Variants in RSRC1 observed in about 807,000 individuals in gnomAD.
RSRC1 encodes the protein arginine and serine rich coiled-coil 1.
Under a neutral mutation model 49.1 loss-of-function variants are expected in RSRC1, and 39 were observed. That is an observed-to-expected ratio of 0.79 (90% CI 0.61 to 1.04). The LOEUF is 1.04. Ranked by LOEUF, RSRC1 falls within the 50% of genes least tolerant of loss-of-function variation. The pLI, the probability that RSRC1 is intolerant of heterozygous loss-of-function variation, is 0.00. For missense variants in RSRC1, 388 were observed against 402.4 expected (o/e 0.96, Z 0.31); for synonymous variants, 143 against 130.8 (o/e 1.09, Z -0.63).
At chr3:158,130,766 T>A (rs1457352974) in intron 3 of RSRC1, among the ~76,000 whole-genome samples, 2 of 152,176 alleles carry the variant, frequency 1.3e-5, no homozygotes, top group African/African-American at 4.8e-5. Flanking sequence ...TTTGGATTAG[T>A]GTATGTAGAA....
At chr3:158,390,031 T>A (rs1733183246) in intron 6 of RSRC1, among the ~76,000 whole-genome samples, 1 of 152,172 alleles carries the variant, frequency 6.6e-6, no homozygotes, top group Non-Finnish European at 1.5e-5. Context: ...TTTATTCAGG[T>A]AACAGATTTG....
At chr3:158,328,107 A>G (rs1317299623) in intron 5 of RSRC1, among the ~76,000 whole-genome samples, 2 of 151,778 alleles carry the variant, frequency 1.3e-5, no homozygotes, top group Non-Finnish European at 1.5e-5. Flanking sequence ...TCATCCCTTT[A>G]TTTTGAGCCT....
intron 3 of RSRC1, among the ~76,000 whole-genome samples, chr3:158,127,581 T>C (rs1460835482): frequency 1.3e-5 from 2 of 152,048 alleles, no homozygotes; most frequent in Non-Finnish European, 2.9e-5. Context: ...TTTGTTCTCT[T>C]GACTTCATTT....
chr3:158,389,176 A>G (rs989881243), intron 6 of RSRC1, among the ~76,000 whole-genome samples: 3 of 152,200 alleles, frequency 2.0e-5, no homozygotes, highest in Non-Finnish European at 4.4e-5. Flanking sequence ...CTTCCAATAC[A>G]GATTTCTCTA....
At chr3:158,493,717 T>C (rs1298905512) in intron 7 of RSRC1, among the ~76,000 whole-genome samples, 1 of 152,186 alleles carries the variant, frequency 6.6e-6, no homozygotes, top group Non-Finnish European at 1.5e-5. Context: ...TGTTTGCAGC[T>C]CAGCATTTGA....
At chr3:158,508,925 G>A (rs1740010814) in intron 7 of RSRC1, among the ~76,000 whole-genome samples, 1 of 152,122 alleles carries the variant, frequency 6.6e-6, no homozygotes, top group African/African-American at 2.4e-5. Flanking sequence ...TCCCTGATTT[G>A]CAGATATTTT....
At chr3:158,125,314 TATG>T (rs2108170173) in intron 3 of RSRC1, among the ~76,000 whole-genome samples, 1 of 152,196 alleles carries the variant, frequency 6.6e-6, no homozygotes, top group South Asian at 2.1e-4. Flanking sequence ...AAGTATTAAG[TATG>T]ATATGAGACT....
Position 158,468,820 on chromosome 3 carries a change from T to C in RSRC1, c.652+7817T>C, listed in dbSNP as rs187909162. Among the ~76,000 whole-genome samples, 35 of 152,208 alleles carry C rather than the reference T, an allele frequency of 2.3e-4. No homozygotes were observed. In the East Asian group the frequency reaches 5.0e-3, roughly 22 times the overall value. On this transcript the variant is annotated intron_variant, in intron 7 of 9. Coordinates refer to ENST00000611884, the MANE Select transcript of RSRC1 (RefSeq NM_001271838.2). ...AAAAATGAATTGCCTACTGAAAAAA[T>C]TTAACACCTTTACAAAATTAATTAA...
chr3:158,514,630 T>G lies in RSRC1; in HGVS notation c.653-22462T>G, dbSNP rs13074682. 2.4e-3 allele frequency among the ~76,000 whole-genome samples: 358 copies of G among 152,204 alleles called. 3 individuals carry two copies. The highest frequency in any genetic ancestry group is 4.4e-3 in the Non-Finnish European group (302 of 68,008). The stretch of plus-strand genomic sequence containing the variant: ...TGGAGAGTTCTGTAGATGTCTATTA[T>G]GTCCGCTTGGTGCAGAGCTGAGTTC... On this transcript the variant is annotated intron_variant, in intron 7 of 9. Transcript: ENST00000611884.
At chr3:158,517,609 T>C (rs1407933520) in intron 7 of RSRC1, among the ~76,000 whole-genome samples, 1 of 143,640 alleles carries the variant, frequency 7.0e-6, no homozygotes, top group Non-Finnish European at 1.5e-5. Flanking sequence ...TTTTTTTTTT[T>C]AGAGACAGGG....
At chr3:158,347,892 G>C (rs1379801440) in intron 5 of RSRC1, among the ~76,000 whole-genome samples, 1 of 151,990 alleles carries the variant, frequency 6.6e-6, no homozygotes, top group East Asian at 1.9e-4. Flanking sequence ...TAAAAAAATT[G>C]AATTTTTGTG....
At chr3:158,443,207 T>A (rs890272975) in intron 6 of RSRC1, among the ~76,000 whole-genome samples, 1 of 152,132 alleles carries the variant, frequency 6.6e-6, no homozygotes, top group Non-Finnish European at 1.5e-5. Flanking sequence ...AGAGTCAGCT[T>A]GTCCTTTGAA....
intron 7 of RSRC1, among the ~76,000 whole-genome samples, chr3:158,533,944 G>C (rs145974115): frequency 0.011 from 1,618 of 151,734 alleles, 16 homozygotes; most frequent in Middle Eastern, 0.017. Flanking sequence ...TGCTCAATTA[G>C]TACATTGCAT....
intron 5 of RSRC1, among the ~76,000 whole-genome samples, chr3:158,308,040 G>A (rs1727933615): frequency 1.3e-5 from 2 of 151,840 alleles, no homozygotes; most frequent in Admixed American, 1.3e-4. Context: ...AGTTAATGAT[G>A]GTAATATTTG....
intron 6 of RSRC1, among the ~76,000 whole-genome samples, chr3:158,391,401 G>C (rs1733283085): frequency 6.6e-6 from 1 of 152,094 alleles, no homozygotes; most frequent in Admixed American, 6.6e-5. Flanking sequence ...CCATATGAGG[G>C]GTTGAAAGTT....
At chr3:158,174,169 G>A (rs1269447959) in intron 3 of RSRC1, among the ~76,000 whole-genome samples, 1 of 151,720 alleles carries the variant, frequency 6.6e-6, no homozygotes, top group Non-Finnish European at 1.5e-5. Flanking sequence ...CAACGTTGGG[G>A]TTGTAGCCAC....
At chr3:158,246,695 G>A (rs1723921340) in intron 4 of RSRC1, among the ~76,000 whole-genome samples, 1 of 152,182 alleles carries the variant, frequency 6.6e-6, no homozygotes, top group African/African-American at 2.4e-5. Flanking sequence ...CTTTAAGAAT[G>A]TTGAATGTTG....
chr3:158,313,265 A>G (rs1728232014), intron 5 of RSRC1, among the ~76,000 whole-genome samples: 1 of 152,162 alleles, frequency 6.6e-6, no homozygotes, highest in Non-Finnish European at 1.5e-5. Flanking sequence ...AGACCAGGAA[A>G]TATCTTATTC....
intron 4 of RSRC1, among the ~76,000 whole-genome samples, chr3:158,222,112 G>A (rs946573531): frequency 2.6e-5 from 4 of 151,554 alleles, no homozygotes; most frequent in East Asian, 3.9e-4. Flanking sequence ...GGCAGTTTAC[G>A]ATCAGTTATA....
Sources: gnomAD v4.1 joint callset for allele counts (sites outside exome capture counted in the v4.1 genomes callset) on GRCh38, gnomAD v4.1.1 for gene constraint, MANE v1.5 for transcripts, NCBI Gene and HGNC (gene_info 2026-07-23, HGNC 2026-07-21) for gene names.